DNMT3A: variants seen among roughly 807,000 people sequenced by gnomAD.
DNMT3A encodes the protein DNA methyltransferase 3 alpha, also known as DNA (cytosine-5)-methyltransferase 3A.
A neutral mutation model predicts 117.6 loss-of-function variants in DNMT3A; 267 were observed. The ratio of observed to expected loss-of-function variants is 2.27; its 90% CI spans 2.05 to 2.51. DNMT3A has a LOEUF of 2.51. Ranked by LOEUF, DNMT3A falls within the 30% of genes most tolerant of loss-of-function variation. The pLI, the probability that DNMT3A is intolerant of heterozygous loss-of-function variation, is 0.00. For missense variants in DNMT3A, 1,029 were observed against 1,260.2 expected (o/e 0.82, Z 2.78); for synonymous variants, 432 against 474.8 (o/e 0.91, Z 1.17).
chr2:25,264,242 C>T (rs932018588), intron 6 of DNMT3A, among the ~76,000 whole-genome samples: 4 of 145,436 alleles, frequency 2.8e-5, no homozygotes, highest in African/African-American at 5.0e-5. Context: ...CTGGCTCAAA[C>T]GATTCTTGTG....
rs1356700635 is a variant in DNMT3A, at chr2:25,314,140, G to T, written c.-156C>A. ...GAACGGTGCCTCTGTCAGCCTGTGG[G>T]TGGGGGCTTCGATGGCTCCACCTGT... On this transcript the variant is annotated 5_prime_UTR_variant, in exon 2 of 23. Transcript: ENST00000321117. 3.5e-6 allele frequency: 5 copies of T among 1,427,054 alleles called. No individual in the cohort carries two copies. In the South Asian group the frequency reaches 7.5e-5, roughly 21 times the overall value. 88.4% of individuals were successfully genotyped at this position (1,427,054 alleles called of 1,614,324 possible). A position where few individuals can be genotyped will look rare whatever the true frequency, so the allele number is the denominator to read the frequency against.
chr2:25,285,679 A>G (rs1392662327), intron 3 of DNMT3A, among the ~76,000 whole-genome samples: 1 of 152,226 alleles, frequency 6.6e-6, no homozygotes, highest in Non-Finnish European at 1.5e-5. Context: ...TCCGGGAAGG[A>G]AAGTGGAACG....
At position 25,282,473 on chromosome 2, in the gene DNMT3A, G is replaced by C; in HGVS notation, c.416C>G (p.Pro139Arg). 3 of 1,613,092 alleles carry C rather than the reference G, an allele frequency of 1.9e-6. 1 individual carries two copies. In the South Asian group the frequency reaches 3.3e-5, roughly 18 times the overall value. The stretch of plus-strand genomic sequence containing the variant: ...TGCAGGGGCTCCTCGGCCCTCCTTG[G>C]GGGTGCAGCAGCCATTTTCCACTGC... ...SRAVENGCCT[P>R]KEGRGAPAEA... is the part of the protein sequence containing the mutation. Residue 139 changes from proline to arginine, a missense_variant, in exon 4 of 23, where the codon CCC becomes CGC. Transcript: ENST00000321117. The surrounding 1 kb of genome is among the most constrained non-coding windows in gnomAD (Gnocchi z 5.2).
chr2:25,291,315 G>T (rs1019464619), intron 3 of DNMT3A, among the ~76,000 whole-genome samples: 1 of 152,216 alleles, frequency 6.6e-6, no homozygotes, highest in Admixed American at 6.5e-5. Context: ...ATGACTGCCC[G>T]CCCCCGCCCT....
intron 4 of DNMT3A, among the ~76,000 whole-genome samples, chr2:25,276,417 A>G (rs978541136): frequency 2.0e-5 from 3 of 152,186 alleles, no homozygotes; most frequent in Non-Finnish European, 2.9e-5. Flanking sequence ...TGCTCAATAC[A>G]TGTTAGTGTG....
intron 6 of DNMT3A, among the ~76,000 whole-genome samples, chr2:25,269,580 C>T (rs756207622): frequency 2.0e-5 from 3 of 151,966 alleles, no homozygotes; most frequent in Non-Finnish European, 4.4e-5. Context: ...TTGTGGAGGT[C>T]GAAGGGTTGA....
chr2:25,315,942 G>A (rs72810082), intron 1 of DNMT3A, among the ~76,000 whole-genome samples: 7,941 of 152,312 alleles, frequency 0.052, 251 homozygotes, highest in South Asian at 0.085. Context: ...TGGAAAGAAC[G>A]TTGAGCCCAA....
chr2:25,252,079 C>T lies in DNMT3A; in HGVS notation c.640-3827G>A. 4.5e-6 allele frequency: 6 copies of T among 1,344,468 alleles called. No homozygotes were observed. The highest frequency in any genetic ancestry group is 6.0e-6 in the Non-Finnish European group (6 of 993,148). 83.3% of individuals were successfully genotyped at this position (1,344,468 alleles called of 1,614,324 possible). A position where few individuals can be genotyped will look rare whatever the true frequency, so the allele number is the denominator to read the frequency against. On this transcript the variant is annotated intron_variant, in intron 6 of 22. Coordinates refer to ENST00000321117, the MANE Select transcript of DNMT3A (RefSeq NM_022552.5). The surrounding 1 kb of genome is among the most constrained non-coding windows in gnomAD (Gnocchi z 5.5). Reference sequence around the variant, plus strand: ...CCAGGCCGGGACGCCGCGGCTGCTGCGGGCCGGGGAGGCATACTTCACTCT... The same window carrying T: ...CCAGGCCGGGACGCCGCGGCTGCTGTGGGCCGGGGAGGCATACTTCACTCT...
At chr2:25,256,077 T>A (rs1016349142) in intron 6 of DNMT3A, among the ~76,000 whole-genome samples, 2 of 152,220 alleles carry the variant, frequency 1.3e-5, no homozygotes, top group African/African-American at 4.8e-5. Context: ...TAAAGCCATC[T>A]GCAAAGCAAC....
In DNMT3A at chr2:25,300,095, T is replaced by C. The variant is rs780615325; in HGVS notation, c.177+44A>G. 5.6e-6 allele frequency: 9 copies of C among 1,595,356 alleles called. No individual in the cohort carries two copies. The Admixed American group carries it at 1.0e-4, about 18-fold the overall frequency. ...GCCATCGACAGGCCAGGCACGTGTG[T>C]GTTGTGTGTGTGCACAGGAGGGTGT... On this transcript the variant is annotated intron_variant, in intron 3 of 22. Coordinates refer to ENST00000321117, the MANE Select transcript of DNMT3A (RefSeq NM_022552.5).
At chr2:25,300,715 ATATATAT>A (rs2033423766) in intron 2 of DNMT3A, among the ~76,000 whole-genome samples, 135 of 4,538 alleles carry the variant, frequency 0.03, 7 homozygotes, top group South Asian at 0.056. Flanking sequence ...ATAATATAAT[ATATATAT>A]ATATATATAT....
intron 6 of DNMT3A, among the ~76,000 whole-genome samples, chr2:25,272,294 G>A (rs1356164531): frequency 4.6e-5 from 7 of 152,146 alleles, no homozygotes; most frequent in Admixed American, 4.6e-4. Flanking sequence ...GCCCAAAAAA[G>A]TCTTTTTAAA....
In DNMT3A at chr2:25,244,200, G is replaced by C. The variant is rs1351476622; in HGVS notation, c.1806C>G (p.Pro602=). 2 of 1,613,824 alleles carry C rather than the reference G, an allele frequency of 1.2e-6. No homozygotes were observed. The highest frequency in any genetic ancestry group is 1.7e-6 in the Non-Finnish European group (2 of 1,180,032). The change falls in exon 15 of 23, where the codon CCC becomes CCG. Residue 602 remains proline (P), a synonymous_variant. Coordinates refer to ENST00000321117, the MANE Select transcript of DNMT3A (RefSeq NM_022552.5). ...YGLLRRREDW[P]SRLQMFFANN... is the part of the protein sequence containing the mutation. ...TAGCGAAGAACATCTGGAGCCGGGA[G>C]GGCCAGTCCTCTCGCCGCCGCAGCA... is the stretch of plus-strand genomic sequence containing the variant.
At chr2:25,263,997 A>C (rs2029930032) in intron 6 of DNMT3A, among the ~76,000 whole-genome samples, 1 of 152,176 alleles carries the variant, frequency 6.6e-6, no homozygotes, top group South Asian at 2.1e-4. Flanking sequence ...GGAGGGTAGA[A>C]TTCTGACTTG....
chr2:25,244,921 G>C (rs1280949618), intron 13 of DNMT3A, among the ~76,000 whole-genome samples: 1 of 152,176 alleles, frequency 6.6e-6, no homozygotes, highest in African/African-American at 2.4e-5. Flanking sequence ...GCAGCCCTGG[G>C]TTTTTCTCCT....
At position 25,252,304 on chromosome 2, in the gene DNMT3A, G is replaced by T; in HGVS notation, c.640-4052C>A. The T allele has an allele frequency of 1.2e-6, 1 of 804,834 alleles. No homozygotes were observed. The highest frequency in any genetic ancestry group is 1.8e-6 in the Non-Finnish European group (1 of 545,900). 49.9% of individuals were successfully genotyped at this position (804,834 alleles called of 1,614,324 possible). A position where few individuals can be genotyped will look rare whatever the true frequency, so the allele number is the denominator to read the frequency against. On this transcript the variant is annotated intron_variant, in intron 6 of 22. Transcript: ENST00000321117. The surrounding 1 kb of genome is among the most constrained non-coding windows in gnomAD (Gnocchi z 5.5). ...GGGAGGGGAAGGGGGCGATGGGGCTGGGGGCGGAGGGGGCCACTGGGAGGG... is the reference window on the plus strand; with the variant it reads ...GGGAGGGGAAGGGGGCGATGGGGCTTGGGGCGGAGGGGGCCACTGGGAGGG...
chr2:25,275,426 CTCACACACACTCG>C, intron 5 of DNMT3A, 61 bp downstream of exon 5: 1 of 1,539,626 alleles, frequency 6.5e-7, no homozygotes, highest in South Asian at 1.2e-5. Context: ...CCTCCGCCCC[CTCACACACACTCG>C]CCACCCGTGT....
chr2:25,241,699 C>T lies in DNMT3A; in HGVS notation c.1945G>A (p.Val649Met). The change falls in exon 17 of 23, where the codon GTG (valine) becomes ATG (methionine). Residue 649 changes from valine (V) to methionine (M), a missense_variant. Physicochemically the swap from Val to Met is conservative, Grantham distance 21. Transcript: ENST00000321117. ...LFDGIATGLL[V>M]LKDLGIQVDR... ...ACCTGAATGCCCAAGTCCTTCAGCA[C>T]CAGGAGCCCTGCACCAGCCAGCAGA... 1 of 1,613,892 alleles carries T rather than the reference C, an allele frequency of 6.2e-7. No homozygotes were observed. The highest frequency in any genetic ancestry group is 8.5e-7 in the Non-Finnish European group (1 of 1,179,898).
chr2:25,317,811 C>T (rs1057072666), intron 1 of DNMT3A, among the ~76,000 whole-genome samples: 2 of 152,238 alleles, frequency 1.3e-5, no homozygotes, highest in Non-Finnish European at 2.9e-5. Context: ...TCTCGGCTCA[C>T]CGCAACCTCC....
Sources: gnomAD v4.1 joint callset for allele counts (sites outside exome capture counted in the v4.1 genomes callset) on GRCh38, gnomAD v4.1.1 for gene constraint, Gnocchi (gnomAD v3.1) non-coding constraint, MANE v1.5 for transcripts, NCBI Gene and HGNC (gene_info 2026-07-23, HGNC 2026-07-21) for gene names.